The following ABI3BP variants were observed in gnomAD, a reference collection of about 807,000 sequenced individuals.
The protein encoded by ABI3BP is target of Nesh-SH3.
ABI3BP carries 216 observed loss-of-function variants against 268.6 expected under a neutral mutation model. The ratio of observed to expected loss-of-function variants is 0.80; its 90% confidence interval spans 0.72 to 0.90. The LOEUF is 0.90. Among genes scored for constraint, ABI3BP ranks in the 40% least tolerant of loss-of-function variants. The pLI is 0.00. For missense variants in ABI3BP, 2,090 were observed against 2,182.4 expected, an observed-to-expected ratio of 0.96 and a Z score of 0.84; for synonymous variants, 730 against 730.0, an observed-to-expected ratio of 1.00 and a Z score of 0.00.
intron 1 of ABI3BP, among the ~76,000 whole-genome samples, chr3:100,935,556 A>C (rs1045539601): frequency 1.3e-5 from 2 of 152,076 alleles, no homozygotes; most frequent in African/African-American, 4.8e-5. Context: ...TAAATCTATA[A>C]ATTACTTTGG....
chr3:100,771,779 G>A (rs1326290167), intron 61 of ABI3BP, among the ~76,000 whole-genome samples: 1 of 152,070 alleles, frequency 6.6e-6, no homozygotes, highest in African/African-American at 2.4e-5. Flanking sequence ...ATTTCTGGTG[G>A]TCTCATATAC....
chr3:100,971,459 A>G (rs1411897581), intron 1 of ABI3BP, among the ~76,000 whole-genome samples: 1 of 152,178 alleles, frequency 6.6e-6, no homozygotes, highest in African/African-American at 2.4e-5. Context: ...AACTAGGGAT[A>G]TTTTGACCAA....
chr3:100,894,247 T>C (rs945672377), intron 4 of ABI3BP, among the ~76,000 whole-genome samples: 3 of 152,194 alleles, frequency 2.0e-5, no homozygotes, highest in African/African-American at 7.2e-5. Context: ...GGGACAATGA[T>C]ACTACTTTAG....
At chr3:100,933,794 C>T (rs1028763662) in intron 1 of ABI3BP, among the ~76,000 whole-genome samples, 7 of 151,638 alleles carry the variant, frequency 4.6e-5, no homozygotes, top group Non-Finnish European at 8.8e-5. Flanking sequence ...AAAAAATGCC[C>T]AACATCTGGG....
chr3:100,800,475 G>C (rs575225072), intron 51 of ABI3BP, among the ~76,000 whole-genome samples: 50 of 152,202 alleles, frequency 3.3e-4, no homozygotes, highest in African/African-American at 1.1e-3. Context: ...GAGTCATGCT[G>C]TTTCTCAGCT....
intron 1 of ABI3BP, among the ~76,000 whole-genome samples, chr3:100,961,957 T>C (rs1396697332): frequency 6.6e-6 from 1 of 152,166 alleles, no homozygotes; most frequent in Non-Finnish European, 1.5e-5. Context: ...CTTCTGGAGA[T>C]ATCTCAACTG....
intron 12 of ABI3BP, 92 bp from the exon 13 acceptor site, chr3:100,863,001 C>A: frequency 1.2e-6 from 1 of 859,182 alleles, no homozygotes; most frequent in Admixed American, 2.4e-5. Flanking sequence ...CAAAAGCAAA[C>A]ACAAAAAGGC....
intron 60 of ABI3BP, 147 bp downstream of exon 60, chr3:100,775,060 T>C: frequency 1.0e-6 from 1 of 972,914 alleles, no homozygotes; most frequent in South Asian, 1.9e-5. Flanking sequence ...AAAATAAGTA[T>C]TATTTTAAAA....
At chr3:100,772,979 G>A (rs1035254686) in intron 61 of ABI3BP, among the ~76,000 whole-genome samples, 1 of 150,960 alleles carries the variant, frequency 6.6e-6, no homozygotes, top group Non-Finnish European at 1.5e-5. Flanking sequence ...TGGGGAGGCT[G>A]AGGCAGGAAA....
intron 63 of ABI3BP, among the ~76,000 whole-genome samples, chr3:100,759,207 A>T (rs1040120274): frequency 1.3e-5 from 2 of 152,172 alleles, no homozygotes; most frequent in Non-Finnish European, 2.9e-5. Context: ...CCCCTAGTGT[A>T]GTCGTGAAAT....
chr3:100,888,569 T>A (rs1245635943), intron 4 of ABI3BP, among the ~76,000 whole-genome samples: 1 of 152,080 alleles, frequency 6.6e-6, no homozygotes, highest in East Asian at 1.9e-4. Flanking sequence ...TGCTTATAAA[T>A]AAATGAGACA....
intron 57 of ABI3BP, among the ~76,000 whole-genome samples, chr3:100,780,928 T>G (rs2096846513): frequency 1.3e-5 from 2 of 152,216 alleles, no homozygotes; most frequent in African/African-American, 4.8e-5. Flanking sequence ...TAGGTTTTTG[T>G]CGTATTTTAA....
chr3:100,789,844 T>G lies in ABI3BP; in HGVS notation c.4025-328A>C, dbSNP rs566350283. On this transcript the variant is annotated intron_variant, in intron 55 of 67. Transcript: ENST00000471714. ...ATGATAAACCCATAAGCCATCCATC[T>G]GTCTGTTCATCTGTCCATCCATCCA... is the stretch of plus-strand genomic sequence containing the variant. Among the ~76,000 whole-genome samples, 5 of 152,146 alleles carry G rather than the reference T, an allele frequency of 3.3e-5. No homozygotes were observed. The South Asian group carries it at 8.3e-4, about 25-fold the overall frequency.
chr3:100,922,556 T>C (rs2060588669), intron 2 of ABI3BP, among the ~76,000 whole-genome samples: 1 of 151,494 alleles, frequency 6.6e-6, no homozygotes, highest in South Asian at 2.1e-4. Context: ...GTGATGGTGA[T>C]GGCGATGGCG....
At position 100,765,959 on chromosome 3, in the gene ABI3BP, G is replaced by A. The variant is rs755540597; in HGVS notation, c.4742-10C>T. ...GATATAACTTCATATTCTGTAAAGC[G>A]AAAGAAGCCAACAGATACTTGTTTT... On this transcript the variant is annotated splice_polypyrimidine_tract_variant and intron_variant, in intron 62 of 67. Coordinates refer to ENST00000471714, the MANE Select transcript of ABI3BP (RefSeq NM_001375547.2). 47 of 1,581,256 alleles carry A rather than the reference G, an allele frequency of 3.0e-5. No homozygotes were observed. In the Admixed American group the frequency reaches 3.8e-4, roughly 13 times the overall value.
chr3:100,982,172 G>A (rs1057239417), intron 1 of ABI3BP, among the ~76,000 whole-genome samples: 34 of 101,120 alleles, frequency 3.4e-4, no homozygotes, highest in African/African-American at 9.9e-4. Context: ...CGAGAACAGC[G>A]TGGGAGAAAC....
intron 6 of ABI3BP, among the ~76,000 whole-genome samples, chr3:100,878,492 C>T (rs186104539): frequency 3.3e-4 from 51 of 152,330 alleles, no homozygotes; most frequent in Non-Finnish European, 5.6e-4. Context: ...TTAGCTCATA[C>T]ACTATTGATA....
At chr3:100,837,077 C>T (rs972747785) in intron 27 of ABI3BP, 47 bp downstream of exon 27, 8 of 1,469,710 alleles carry the variant, frequency 5.4e-6, no homozygotes, top group Middle Eastern at 1.7e-4. Context: ...AGATGAGAGG[C>T]GCAAGCTCAG....
intron 45 of ABI3BP, among the ~76,000 whole-genome samples, chr3:100,813,095 G>T (rs1457957559): frequency 2.0e-5 from 3 of 152,070 alleles, no homozygotes; most frequent in Admixed American, 2.0e-4. Flanking sequence ...TGCCAAGGCT[G>T]GTCATAAAAT....
Sources: allele counts gnomAD v4.1 joint callset (sites outside exome capture counted in the v4.1 genomes callset), GRCh38; gene constraint gnomAD v4.1.1; transcripts MANE v1.5; gene names NCBI Gene and HGNC (gene_info 2026-07-23, HGNC 2026-07-21).